The following MPP7 variants were observed in gnomAD, a reference collection of about 807,000 sequenced individuals.
The protein encoded by MPP7 is MAGUK p55 subfamily member 7.
In MPP7, 60 loss-of-function variants were observed where a neutral mutation model predicts 76.5. That is an observed-to-expected ratio of 0.78 (90% CI 0.64 to 0.97). The LOEUF is 0.97. Ranked by LOEUF, MPP7 falls within the 50% of genes least tolerant of loss-of-function variation. The pLI, the probability that MPP7 is intolerant of heterozygous loss-of-function variation, is 0.00. For synonymous variants in MPP7, 237 were observed against 244.5 expected, an observed-to-expected ratio of 0.97 and a Z score of 0.29; for missense variants, 641 against 694.0, an observed-to-expected ratio of 0.92 and a Z score of 0.86.
intron 11 of MPP7, chr10:28,118,008 A>G: frequency 3.9e-6 from 3 of 767,670 alleles, no homozygotes; most frequent in Non-Finnish European, 4.7e-6. Flanking sequence ...AAAAGCAAAA[A>G]CAAAAACAAA....
At chr10:28,164,086 T>C (rs9299599) in intron 3 of MPP7, among the ~76,000 whole-genome samples, 138,164 of 152,004 alleles carry the variant, frequency 0.91, 62,847 homozygotes, top group South Asian at 0.94. Context: ...CAGATGATGA[T>C]ATAGGCCTGG....
chr10:28,103,453 C>T (rs1053419282), intron 11 of MPP7, among the ~76,000 whole-genome samples: 4 of 152,146 alleles, frequency 2.6e-5, no homozygotes, highest in African/African-American at 9.7e-5. Context: ...AATGCTTATT[C>T]CCAACAAGCT....
At chr10:28,248,238 CTTTATGACCAA>C (rs1057505073) in intron 1 of MPP7, among the ~76,000 whole-genome samples, 1 of 152,130 alleles carries the variant, frequency 6.6e-6, no homozygotes, top group African/African-American at 2.4e-5. Context: ...GGAGAACTTA[CTTTATGACCAA>C]TTTAGTGTCA....
intron 12 of MPP7, among the ~76,000 whole-genome samples, chr10:28,084,184 G>A (rs1339953236): frequency 6.6e-6 from 1 of 152,126 alleles, no homozygotes; most frequent in Non-Finnish European, 1.5e-5. Context: ...GAAACCAAAA[G>A]TTTCTAAGCC....
At chr10:28,299,953 G>A (rs1841116479) in intron 1 of MPP7, among the ~76,000 whole-genome samples, 1 of 151,800 alleles carries the variant, frequency 6.6e-6, no homozygotes, top group African/African-American at 2.4e-5. Context: ...TTTTTTAGTA[G>A]AGACAGGGTT....
At chr10:28,056,424 G>T in intron 16 of MPP7, 56 bp downstream of exon 16, 3 of 1,551,016 alleles carry the variant, frequency 1.9e-6, no homozygotes, top group Non-Finnish European at 2.6e-6. Flanking sequence ...CTCCCAAAGT[G>T]CTGGGATTAC....
chr10:28,222,918 G>A (rs961133109), intron 2 of MPP7, among the ~76,000 whole-genome samples: 3 of 149,154 alleles, frequency 2.0e-5, no homozygotes, highest in Non-Finnish European at 3.0e-5. Context: ...AGCATACTGG[G>A]GATCTAGGCT....
chr10:28,091,444 C>T (rs958623595), intron 11 of MPP7, among the ~76,000 whole-genome samples: 17 of 151,924 alleles, frequency 1.1e-4, no homozygotes, highest in Admixed American at 5.9e-4. Context: ...CATGCCATCA[C>T]GCCCGGCTAA....
At chr10:28,200,792 A>G (rs1837745596) in intron 3 of MPP7, among the ~76,000 whole-genome samples, 1 of 152,188 alleles carries the variant, frequency 6.6e-6, no homozygotes, top group South Asian at 2.1e-4. Context: ...TTTATAGGTA[A>G]GGAAACTGAG....
chr10:28,074,988 G>A (rs890339319), intron 12 of MPP7, among the ~76,000 whole-genome samples: 4 of 152,082 alleles, frequency 2.6e-5, no homozygotes, highest in African/African-American at 9.7e-5. Flanking sequence ...TCCGCAGGCT[G>A]CCTGTGAAGC....
At chr10:28,252,553 T>C (rs938462570) in intron 1 of MPP7, among the ~76,000 whole-genome samples, 2 of 152,240 alleles carry the variant, frequency 1.3e-5, no homozygotes, top group Middle Eastern at 3.2e-3. Context: ...TTAACCCTCA[T>C]GCATTCAGTC....
At chr10:28,322,552 T>C (rs1834377717) in intron 2 of MPP7, among the ~76,000 whole-genome samples, 1 of 152,198 alleles carries the variant, frequency 6.6e-6, no homozygotes, top group East Asian at 1.9e-4. Flanking sequence ...CACCCCGCTC[T>C]TGGCGGGTCT....
At chr10:28,194,006 T>C (rs1837498521) in intron 3 of MPP7, among the ~76,000 whole-genome samples, 1 of 151,978 alleles carries the variant, frequency 6.6e-6, no homozygotes, top group Non-Finnish European at 1.5e-5. Flanking sequence ...CAGCTTCTTT[T>C]TGTTTGTTTG....
At chr10:28,073,437 G>A (rs1852329679) in intron 12 of MPP7, among the ~76,000 whole-genome samples, 1 of 152,070 alleles carries the variant, frequency 6.6e-6, no homozygotes, top group Non-Finnish European at 1.5e-5. Flanking sequence ...GACATTCTTG[G>A]ATATGTAGTT....
chr10:28,256,495 T>C (rs1446732671), intron 1 of MPP7, among the ~76,000 whole-genome samples: 6 of 152,080 alleles, frequency 3.9e-5, no homozygotes, highest in African/African-American at 1.4e-4. Context: ...AAAAACTGAC[T>C]AAGCATCATT....
At chr10:28,300,061 C>G (rs1051625600) in intron 1 of MPP7, among the ~76,000 whole-genome samples, 3 of 152,202 alleles carry the variant, frequency 2.0e-5, no homozygotes, top group African/African-American at 7.2e-5. Flanking sequence ...GCCACCATGC[C>G]TGGCCAAAAC....
chr10:28,106,227 C>T (rs565128722), intron 11 of MPP7, among the ~76,000 whole-genome samples: 65 of 152,284 alleles, frequency 4.3e-4, no homozygotes, highest in African/African-American at 1.3e-3. Context: ...ACTTTTTTCT[C>T]TAACGGAATT....
chr10:28,295,906 T>C (rs189995414), intron 1 of MPP7, among the ~76,000 whole-genome samples: 47 of 152,336 alleles, frequency 3.1e-4, no homozygotes, highest in Admixed American at 1.3e-3. Flanking sequence ...GTTAAAGGGA[T>C]GGAAGAAAGA....
chr10:28,224,466 G>A (rs1359313050), intron 2 of MPP7, among the ~76,000 whole-genome samples: 1 of 151,912 alleles, frequency 6.6e-6, no homozygotes, highest in East Asian at 1.9e-4. Flanking sequence ...AAAATGTTGT[G>A]AGCAATATTA....
Sources: allele counts gnomAD v4.1 joint callset (sites outside exome capture counted in the v4.1 genomes callset), GRCh38; gene constraint gnomAD v4.1.1; transcripts MANE v1.5; gene names NCBI Gene and HGNC (gene_info 2026-07-23, HGNC 2026-07-21).